The following ODAD3 variants were observed in gnomAD, a reference collection of about 807,000 sequenced individuals.
ODAD3 encodes the protein outer dynein arm-docking complex subunit 3.
Under a neutral mutation model 70.9 loss-of-function variants are expected in ODAD3, and 57 were observed. The observed-to-expected ratio is 0.80, with a 90% CI of 0.65 to 1.00. The LOEUF is 1.00. ODAD3 is among the 50% of genes least tolerant of loss of function. The probability of loss-of-function intolerance (pLI) is 0.00; values close to 1 mark genes in which losing one functional copy is unlikely to be tolerated. For missense variants in ODAD3, 797 were observed against 763.9 expected, an observed-to-expected ratio of 1.04 and a Z score of -0.51; for synonymous variants, 327 against 315.9, an observed-to-expected ratio of 1.04 and a Z score of -0.37.
chr19:11,431,180 C>G (rs1374552847), intron 1 of ODAD3, 160 bp from the exon 2 acceptor site: 2 of 867,456 alleles, frequency 2.3e-6, no homozygotes, highest in Non-Finnish European at 3.5e-6. Context: ...GGTGCAATCT[C>G]GGCTCACCAC....
intron 7 of ODAD3, 125 bp downstream of exon 7, chr19:11,426,019 G>A: frequency 4.5e-6 from 6 of 1,325,760 alleles, no homozygotes; most frequent in Non-Finnish European, 6.0e-6. Flanking sequence ...GGTGGAGTCA[G>A]AGAGGGGGCG....
intron 7 of ODAD3, among the ~76,000 whole-genome samples, chr19:11,425,579 ATATG>A (rs1555675337): frequency 5.6e-5 from 8 of 144,064 alleles, no homozygotes; most frequent in African/African-American, 1.3e-4. Context: ...ATGTATGTAT[ATATG>A]TATGTATATG....
intron 1 of ODAD3, among the ~76,000 whole-genome samples, chr19:11,431,750 T>C (rs537151132): frequency 2.1e-5 from 3 of 144,900 alleles, no homozygotes; most frequent in South Asian, 4.4e-4. Context: ...CTGGCTAACA[T>C]AGTGAAATCC....
chr19:11,435,612 C>T, upstream of ODAD3: 2 of 1,100,712 alleles, frequency 1.8e-6, no homozygotes, highest in Non-Finnish European at 2.4e-6. Flanking sequence ...CCGGAAGTGA[C>T]GGGGTCCAGA....
intron 7 of ODAD3, among the ~76,000 whole-genome samples, chr19:11,425,709 A>C (rs1436244079): frequency 3.3e-5 from 5 of 150,346 alleles, no homozygotes; most frequent in African/African-American, 7.3e-5. Flanking sequence ...CAACAACAAC[A>C]ACCCAAAAAA....
chr19:11,421,681 CG>C lies in ODAD3; in HGVS notation c.1585del (p.Arg529AlafsTer7), dbSNP rs1568346269. The C allele has an allele frequency of 2.5e-6, 4 of 1,611,658 alleles. No individual in the cohort carries two copies. In the South Asian group the frequency reaches 4.4e-5, roughly 18 times the overall value. ...TGCCCCATGGCTGCAGGGCACCTCG[CG>C]GTTAGCGATGTGGCACAGCATCTCC... ...VQEMLCHIAN[R>X]EFLASLEGRL... is the part of the protein sequence containing the mutation. On this transcript the variant is annotated frameshift_variant, in exon 11 of 13. Transcript: ENST00000356392. LOFTEE classifies it high-confidence loss of function.
At chr19:11,424,115 C>T (rs1969207188) in intron 7 of ODAD3, 86 bp from the exon 8 acceptor site, 2 of 1,492,332 alleles carry the variant, frequency 1.3e-6, no homozygotes, top group Admixed American at 1.8e-5. Context: ...AGATAGGGGC[C>T]CGCGAGGAAC....
intron 11 of ODAD3, 149 bp downstream of exon 11, chr19:11,421,528 G>T (rs897255808): frequency 2.7e-6 from 3 of 1,096,994 alleles, no homozygotes; most frequent in Non-Finnish European, 3.9e-6. Context: ...CTCACCCCTG[G>T]CTCGTCAAAC....
chr19:11,426,674 A>G lies in ODAD3; in HGVS notation c.714+9T>C, dbSNP rs189258781. ...TTTGTCATCTCACCCGAGCCCTCCT[A>G]GTCCCTACCATTAGATAGGCCTTGA... On this transcript the variant is annotated intron_variant, in intron 5 of 12. Coordinates refer to ENST00000356392, the MANE Select transcript of ODAD3 (RefSeq NM_145045.5). 1 of 1,613,718 alleles carries G rather than the reference A, an allele frequency of 6.2e-7. No individual in the cohort carries two copies. Among genetic ancestry groups the G allele is most frequent in the East Asian group, 2.2e-5 (1 of 44,868 alleles).
chr19:11,426,972 C>A lies in ODAD3; in HGVS notation c.513G>T (p.Val171=). Residue 171 remains valine (V), a synonymous_variant, in exon 4 of 13, where the codon GTG becomes GTT. Coordinates refer to ENST00000356392, the MANE Select transcript of ODAD3 (RefSeq NM_145045.5). The part of the protein sequence containing the change: ...VKQQNALRHQ[V]VLRQRRLEEL... ...CCTCCAGCCGCCTCTGCCGCAACAC[C>A]ACCTGGTGCCGCAGGGCGTTCTGCT... 3 of 1,607,960 alleles carry A rather than the reference C, an allele frequency of 1.9e-6. No homozygotes were observed. Among genetic ancestry groups the A allele is most frequent in the Non-Finnish European group, 2.5e-6 (3 of 1,179,644 alleles).
chr19:11,434,225 AC>A (rs1568355755), intron 1 of ODAD3, among the ~76,000 whole-genome samples: 6 of 145,302 alleles, frequency 4.1e-5, no homozygotes, highest in African/African-American at 7.9e-5. Flanking sequence ...AAAACAAAAA[AC>A]AAAACAAAAA....
chr19:11,435,348 C>T (rs1464067327), upstream of ODAD3: 4 of 532,984 alleles, frequency 7.5e-6, no homozygotes, highest in Non-Finnish European at 1.2e-5. Flanking sequence ...ATTCCGTTTC[C>T]CTACCTCCCC....
intron 10 of ODAD3, 88 bp from the exon 11 acceptor site, chr19:11,421,920 G>T (rs895065660): frequency 5.2e-5 from 76 of 1,474,706 alleles, no homozygotes; most frequent in Non-Finnish European, 6.9e-5. Context: ...TTTCGGGGGC[G>T]GGGCCTAGGA....
At chr19:11,425,769 A>C (rs1182869133) in intron 7 of ODAD3, among the ~76,000 whole-genome samples, 2 of 151,402 alleles carry the variant, frequency 1.3e-5, no homozygotes, top group African/African-American at 4.9e-5. Flanking sequence ...AGGCAGCCTC[A>C]GGGCAGGTGC....
chr19:11,426,514 TC>T lies in ODAD3; in HGVS notation c.771del (p.Thr258ProfsTer11). On this transcript the variant is annotated frameshift_variant, in exon 6 of 13. Transcript: ENST00000356392. LOFTEE classifies it high-confidence loss of function. ...RLDSMEAEVV[R>X]TKHELEALHV... ...TGCAGTGCCTCCAGCTCATGTTTGG[TC>T]CTCACCACCTCAGCCTCCATGGAGT... 1.2e-6 allele frequency: 2 copies of T among 1,613,984 alleles called. No individual in the cohort carries two copies. The highest frequency in any genetic ancestry group is 1.7e-6 in the Non-Finnish European group (2 of 1,179,950).
In ODAD3 at chr19:11,426,796, C is replaced by T; in HGVS notation, c.613-12G>A. 1 of 1,613,820 alleles carries T rather than the reference C, an allele frequency of 6.2e-7. No individual in the cohort carries two copies. Among genetic ancestry groups the T allele is most frequent in the African/African-American group, 1.3e-5 (1 of 75,032 alleles). ...AGGTTCCGCATGGTCTGGAGAGCAG[C>T]AGGGCTGGGCTGAGGGCCCTCCGCA... On this transcript the variant is annotated splice_polypyrimidine_tract_variant and intron_variant, in intron 4 of 12. Coordinates refer to ENST00000356392, the MANE Select transcript of ODAD3 (RefSeq NM_145045.5).
intron 1 of ODAD3, among the ~76,000 whole-genome samples, chr19:11,432,646 T>C (rs920972588): frequency 2.0e-5 from 3 of 152,214 alleles, no homozygotes; most frequent in African/African-American, 7.2e-5. Context: ...TTATTATGTG[T>C]TGGATGCTGG....
intron 1 of ODAD3, 89 bp from the exon 2 acceptor site, chr19:11,431,109 T>C: frequency 7.0e-7 from 1 of 1,433,400 alleles, no homozygotes; most frequent in East Asian, 2.3e-5. Flanking sequence ...TTTGCAATCA[T>C]CAACTTTTTT....
At chr19:11,430,427 C>T (rs1027511313) in intron 3 of ODAD3, 59 of 482,404 alleles carry the variant, frequency 1.2e-4, no homozygotes, top group African/African-American at 8.2e-4. Context: ...CGTGGGCCAC[C>T]GCGCCTGGCT....
Sources: allele counts gnomAD v4.1 joint callset (sites outside exome capture counted in the v4.1 genomes callset), GRCh38; gene constraint gnomAD v4.1.1; transcripts MANE v1.5; gene names NCBI Gene and HGNC (gene_info 2026-07-23, HGNC 2026-07-21).